KIF5A: variants seen among roughly 807,000 people sequenced by gnomAD.
KIF5A encodes kinesin family member 5A.
In KIF5A, 35 loss-of-function variants were observed where a neutral mutation model predicts 141.3. The ratio of observed to expected loss-of-function variants is 0.25; its 90% CI spans 0.19 to 0.33. The LOEUF (loss-of-function observed/expected upper bound fraction) is 0.33. Among genes scored for constraint, KIF5A ranks in the 10% least tolerant of loss-of-function variants. The probability of loss-of-function intolerance (pLI) is 1.00; values close to 1 mark genes in which losing one functional copy is unlikely to be tolerated. For synonymous variants in KIF5A, 448 were observed against 500.2 expected (o/e 0.90, Z 1.39); for missense variants, 861 against 1,314.3 (o/e 0.66, Z 5.33).
intron 1 of KIF5A, among the ~76,000 whole-genome samples, chr12:57,555,754 T>G (rs1246100086): frequency 7.1e-6 from 1 of 141,486 alleles, no homozygotes; most frequent in East Asian, 2.2e-4. Context: ...ACTGAAAATA[T>G]AAAAATTAGC....
intron 4 of KIF5A, 113 bp from the exon 5 acceptor site, chr12:57,564,347 T>G: frequency 1.8e-6 from 2 of 1,087,680 alleles, no homozygotes; most frequent in Non-Finnish European, 2.9e-6. Flanking sequence ...AGATGTTCTC[T>G]TCTGTTCTTT....
At chr12:57,573,672 A>ATATAAAATTAGCCGGGTGTGGTGGCTCAT (rs1882326829) in intron 15 of KIF5A, among the ~76,000 whole-genome samples, 1 of 152,006 alleles carries the variant, frequency 6.6e-6, no homozygotes, top group Non-Finnish European at 1.5e-5. Context: ...TCTACTAAAA[A>ATATAAAATTAGCCGGGTGTGGTGGCTCAT]TATAAAATTA....
chr12:57,567,059 A>T (rs1882085226), intron 6 of KIF5A, 67 bp from the exon 7 acceptor site: 5 of 858,374 alleles, frequency 5.8e-6, no homozygotes, highest in Non-Finnish European at 8.8e-6. Context: ...ATAATAATAA[A>T]AATAAATAAA....
chr12:57,576,697 G>A, intron 19 of KIF5A, 64 bp from the exon 20 acceptor site: 1 of 1,184,072 alleles, frequency 8.4e-7, no homozygotes, highest in Admixed American at 1.7e-5. Context: ...TGAAGAGCTG[G>A]CCTTCCCTTC....
intron 23 of KIF5A, among the ~76,000 whole-genome samples, chr12:57,579,518 T>C (rs1308231210): frequency 6.6e-6 from 1 of 152,150 alleles, no homozygotes; most frequent in Non-Finnish European, 1.5e-5. Context: ...TTTTTCTTAA[T>C]GAATCCTAAA....
In KIF5A at chr12:57,567,661, CTT is replaced by C. The variant is rs371727146; in HGVS notation, c.714+59_714+60del. ...TATGGGGTGGGTGGAAGCCTTGGCT[CTT>C]TTTTTTTTTTTTTTTGAGACAGAGT... On this transcript the variant is annotated intron_variant, in intron 8 of 28. Coordinates refer to ENST00000455537, the MANE Select transcript of KIF5A (RefSeq NM_004984.4). 0.029 allele frequency: 36,048 copies of C among 1,226,304 alleles called. No homozygotes were observed. Among genetic ancestry groups the C allele is most frequent in the East Asian group, 0.035 (1,171 of 33,152 alleles). The allele number at this position is 1,226,304 out of a possible 1,614,324, so 76.0% of individuals were successfully genotyped here.
intron 1 of KIF5A, among the ~76,000 whole-genome samples, chr12:57,562,874 G>A (rs891685970): frequency 1.3e-5 from 2 of 152,008 alleles, no homozygotes; most frequent in Non-Finnish European, 2.9e-5. Context: ...TGGGGTAGTG[G>A]AGTGCTCAAT....
In KIF5A at chr12:57,583,215, G is replaced by A. The variant is rs1224597708; in HGVS notation, c.*36G>A. 2 of 1,583,716 alleles carry A rather than the reference G, an allele frequency of 1.3e-6. No individual in the cohort carries two copies. Among genetic ancestry groups the A allele is most frequent in the Non-Finnish European group, 1.7e-6 (2 of 1,156,056 alleles). ...CCACGGCTGCATACCTGCACTTTCAGGTAGCGTCAGGCTGCTTCCTCGGAC... is the reference window on the plus strand; with the variant it reads ...CCACGGCTGCATACCTGCACTTTCAAGTAGCGTCAGGCTGCTTCCTCGGAC... On this transcript the variant is annotated splice_region_variant and 3_prime_UTR_variant, in exon 28 of 29. Transcript: ENST00000455537.
chr12:57,559,008 C>G (rs1881829034), intron 1 of KIF5A, among the ~76,000 whole-genome samples: 1 of 152,158 alleles, frequency 6.6e-6, no homozygotes. Context: ...CAACTCCTGG[C>G]CTCAAGGATC....
chr12:57,565,096 G>A (rs1003065035), intron 6 of KIF5A, 123 bp downstream of exon 6: 2 of 867,788 alleles, frequency 2.3e-6, no homozygotes, highest in African/African-American at 3.3e-5. Flanking sequence ...GATGTGCCTA[G>A]GGGCCAGGGA....
rs115933488 is a variant in KIF5A at position 57,563,957 on chromosome 12, T to C, written c.292-151T>C. On this transcript the variant is annotated intron_variant, in intron 3 of 28. Coordinates refer to ENST00000455537, the MANE Select transcript of KIF5A (RefSeq NM_004984.4). ...CCAAAGGGCTACTCAATTATCTCCT[T>C]GCTCCTCTAAAAGGCAGACATGGTG... 2.4e-4 allele frequency: 175 copies of C among 720,670 alleles called. No individual in the cohort carries two copies. In the African/African-American group the frequency reaches 2.8e-3, roughly 11 times the overall value. 44.6% of individuals were successfully genotyped at this position (720,670 alleles called of 1,614,324 possible). A position where few individuals can be genotyped will look rare whatever the true frequency, so the allele number is the denominator to read the frequency against.
intron 23 of KIF5A, among the ~76,000 whole-genome samples, chr12:57,579,149 C>T (rs1882518074): frequency 6.6e-6 from 1 of 152,074 alleles, no homozygotes; most frequent in African/African-American, 2.4e-5. Context: ...TAAGTTGCTG[C>T]CTCTCTGTCC....
intron 6 of KIF5A, among the ~76,000 whole-genome samples, chr12:57,566,064 A>C (rs966627389): frequency 6.6e-6 from 1 of 151,484 alleles, no homozygotes; most frequent in African/African-American, 2.4e-5. Flanking sequence ...GTGCCACTGC[A>C]CTCCAGCCTG....
At chr12:57,558,096 T>C (rs553066452) in intron 1 of KIF5A, among the ~76,000 whole-genome samples, 21 of 152,274 alleles carry the variant, frequency 1.4e-4, no homozygotes, top group African/African-American at 5.1e-4. Flanking sequence ...GTATTATACA[T>C]CCATTCTGCA....
At chr12:57,582,362 T>C (rs1442933902) in intron 26 of KIF5A, among the ~76,000 whole-genome samples, 1 of 152,130 alleles carries the variant, frequency 6.6e-6, no homozygotes, top group African/African-American at 2.4e-5. Context: ...ATTCCTCCTA[T>C]TACCACGCCA....
chr12:57,567,906 G>A (rs1175340408), intron 8 of KIF5A, among the ~76,000 whole-genome samples: 3 of 143,318 alleles, frequency 2.1e-5, no homozygotes, highest in Admixed American at 7.0e-5. Flanking sequence ...TTTTTGAGAC[G>A]GATTCTTGCT....
chr12:57,578,153 G>T, intron 22 of KIF5A, 73 bp downstream of exon 22: 4 of 1,579,036 alleles, frequency 2.5e-6, no homozygotes, highest in Non-Finnish European at 8.7e-7. Context: ...TGCCCCTGTT[G>T]CCCCTATGGG....
At chr12:57,580,030 A>G (rs1175504811) in intron 23 of KIF5A, among the ~76,000 whole-genome samples, 1 of 152,256 alleles carries the variant, frequency 6.6e-6, no homozygotes, top group Non-Finnish European at 1.5e-5. Context: ...AGCCAGGACT[A>G]TAGCCCTATA....
chr12:57,572,916 G>A lies in KIF5A; in HGVS notation c.1716+190G>A, dbSNP rs1443163887. ...TGAAAAGATACATTCTAGGTTGGGC[G>A]CAGTGGCTCACCGCTGTAATCCCAG... On this transcript the variant is annotated intron_variant, in intron 15 of 28. Transcript: ENST00000455537. The surrounding 1 kb of genome is among the most constrained non-coding windows in gnomAD (Gnocchi z 4.2). Among the ~76,000 whole-genome samples, 2 of 152,210 alleles carry A rather than the reference G, an allele frequency of 1.3e-5. No individual in the cohort carries two copies. Among genetic ancestry groups the A allele is most frequent in the Non-Finnish European group, 2.9e-5 (2 of 68,030 alleles).
Sources: gnomAD v4.1 joint callset for allele counts (sites outside exome capture counted in the v4.1 genomes callset) on GRCh38, gnomAD v4.1.1 for gene constraint, Gnocchi (gnomAD v3.1) non-coding constraint, MANE v1.5 for transcripts, NCBI Gene and HGNC (gene_info 2026-07-23, HGNC 2026-07-21) for gene names.